The following TRPC4AP variants were observed in gnomAD, a reference collection of about 807,000 sequenced individuals.
TRPC4AP encodes transient receptor potential cation channel subfamily C member 4 associated protein.
In TRPC4AP, 45 loss-of-function variants were observed where a neutral mutation model predicts 99.0. The observed-to-expected ratio is 0.45, with a 90% CI of 0.36 to 0.58. The LOEUF is 0.58. Ranked by LOEUF, TRPC4AP falls within the 20% of genes least tolerant of loss-of-function variation. The pLI is 0.00. For synonymous variants in TRPC4AP, 408 were observed against 385.8 expected, an observed-to-expected ratio of 1.06 and a Z score of -0.67; for missense variants, 879 against 985.3, an observed-to-expected ratio of 0.89 and a Z score of 1.44.
intron 10 of TRPC4AP, among the ~76,000 whole-genome samples, chr20:35,014,161 A>G (rs1353710101): frequency 2.0e-5 from 3 of 152,112 alleles, no homozygotes; most frequent in East Asian, 1.9e-4. Flanking sequence ...GCACGTTTCT[A>G]TAGGTGGATG....
At position 35,092,777 on chromosome 20, in the gene TRPC4AP, G is replaced by A. The variant is rs768961746; in HGVS notation, c.5C>T (p.Ala2Val). The A allele has an allele frequency of 9.8e-6, 15 of 1,535,918 alleles. No homozygotes were observed. The highest frequency in any genetic ancestry group is 2.6e-5 in the East Asian group (1 of 38,500). MAAAPVAAGSGA... is the reference protein window; with the variant it reads MVAAPVAAGSGA... The stretch of plus-strand genomic sequence containing the variant: ...AGACCCAGCCGCTACCGGCGCCGCC[G>A]CCATGTCTCCTCGTCGGACAAACAG... The change falls in exon 1 of 19, where the codon GCG (alanine) becomes GTG (valine). Residue 2 changes from alanine to valine, a missense_variant. Coordinates refer to ENST00000252015, the MANE Select transcript of TRPC4AP (RefSeq NM_015638.3).
At chr20:35,050,652 G>A (rs1169381463) in intron 5 of TRPC4AP, among the ~76,000 whole-genome samples, 1 of 151,638 alleles carries the variant, frequency 6.6e-6, no homozygotes, top group East Asian at 1.9e-4. Flanking sequence ...GGTGGAGGCT[G>A]CAGTGAGCCT....
At position 35,040,610 on chromosome 20, in the gene TRPC4AP, T is replaced by G. The variant is rs573795789; in HGVS notation, c.865+3895A>C. The stretch of plus-strand genomic sequence containing the variant: ...GCAGACGGCTTATCTTTTATTTTAT[T>G]TATTTATTTTTGGAGACGGAGTTTC... On this transcript the variant is annotated intron_variant, in intron 7 of 18. Transcript: ENST00000252015. Among the ~76,000 whole-genome samples, 11 of 152,282 alleles carry G rather than the reference T, an allele frequency of 7.2e-5. No homozygotes were observed. The South Asian group carries it at 1.9e-3, about 26-fold the overall frequency.
chr20:35,047,949 C>CA (rs1048228744), intron 6 of TRPC4AP, among the ~76,000 whole-genome samples: 6 of 149,634 alleles, frequency 4.0e-5, no homozygotes, highest in African/African-American at 7.3e-5. Context: ...AACTACAAAA[C>CA]AAAAAAAAAG....
chr20:35,070,103 G>A (rs1402575401), intron 2 of TRPC4AP, among the ~76,000 whole-genome samples: 2 of 152,132 alleles, frequency 1.3e-5, no homozygotes, highest in Non-Finnish European at 2.9e-5. Context: ...CAACCTGCCA[G>A]GGATGTGAGA....
intron 16 of TRPC4AP, among the ~76,000 whole-genome samples, chr20:35,004,961 G>GC (rs962267746): frequency 1.3e-5 from 2 of 152,198 alleles, no homozygotes; most frequent in African/African-American, 4.8e-5. Flanking sequence ...AGGTCCTAGC[G>GC]CAACTGGTTT....
intron 7 of TRPC4AP, 130 bp from the exon 8 acceptor site, chr20:35,035,438 A>C (rs765482804): frequency 4.0e-6 from 4 of 1,009,874 alleles, no homozygotes; most frequent in Non-Finnish European, 5.6e-6. Flanking sequence ...TACTCTTTTA[A>C]AATGAATGTC....
intron 2 of TRPC4AP, among the ~76,000 whole-genome samples, chr20:35,076,389 G>C (rs1020447906): frequency 7.9e-5 from 12 of 152,184 alleles, no homozygotes; most frequent in Non-Finnish European, 1.8e-4. Context: ...CCCTATCTTT[G>C]TGGTTTTATC....
intron 7 of TRPC4AP, among the ~76,000 whole-genome samples, chr20:35,044,076 C>G (rs1180564992): frequency 3.3e-5 from 5 of 152,096 alleles, no homozygotes; most frequent in African/African-American, 9.7e-5. Flanking sequence ...GGAGCCTTCA[C>G]ATGGATCCAT....
intron 1 of TRPC4AP, among the ~76,000 whole-genome samples, chr20:35,081,878 G>A (rs1338259562): frequency 6.6e-6 from 1 of 152,022 alleles, no homozygotes; most frequent in African/African-American, 2.4e-5. Context: ...CCAGTTACTC[G>A]AGAGGCTGAG....
At chr20:35,045,923 C>A (rs1207810403) in intron 6 of TRPC4AP, among the ~76,000 whole-genome samples, 2 of 152,188 alleles carry the variant, frequency 1.3e-5, no homozygotes, top group African/African-American at 2.4e-5. Flanking sequence ...CCCACCTTGG[C>A]CTCCTAAACT....
At position 35,034,708 on chromosome 20, in the gene TRPC4AP, T is replaced by C. The variant is rs569022547; in HGVS notation, c.1051+415A>G. 2.6e-5 allele frequency among the ~76,000 whole-genome samples: 4 copies of C among 151,886 alleles called. No homozygotes were observed. In the South Asian group the frequency reaches 8.4e-4, roughly 32 times the overall value. On this transcript the variant is annotated intron_variant, in intron 8 of 18. Coordinates refer to ENST00000252015, the MANE Select transcript of TRPC4AP (RefSeq NM_015638.3). ...AGGAAGCTGGAGCTGAGACTGGGAGTCTTCTTATTTAATAGGCAGTCTTCT... is the reference window on the plus strand; with the variant it reads ...AGGAAGCTGGAGCTGAGACTGGGAGCCTTCTTATTTAATAGGCAGTCTTCT...
chr20:35,061,360 T>A (rs1042737419), intron 3 of TRPC4AP, among the ~76,000 whole-genome samples: 1 of 152,230 alleles, frequency 6.6e-6, no homozygotes, highest in African/African-American at 2.4e-5. Flanking sequence ...AGCTATCTTG[T>A]AGTTCATGGA....
chr20:35,070,331 G>C (rs1158622355), intron 2 of TRPC4AP, among the ~76,000 whole-genome samples: 1 of 151,992 alleles, frequency 6.6e-6, no homozygotes, highest in East Asian at 1.9e-4. Flanking sequence ...CCAACCAGAA[G>C]CATGCTCTTC....
intron 5 of TRPC4AP, 139 bp downstream of exon 5, chr20:35,054,837 G>A: frequency 2.8e-6 from 2 of 702,764 alleles, no homozygotes; most frequent in East Asian, 5.9e-5. Flanking sequence ...CTGATTTTCA[G>A]GCACACATAA....
chr20:35,080,013 TAAAAAAAAAA>T (rs71196785), intron 1 of TRPC4AP, among the ~76,000 whole-genome samples: 1 of 93,870 alleles, frequency 1.1e-5, no homozygotes, highest in African/African-American at 4.3e-5. Flanking sequence ...CAGAGCAAGA[TAAAAAAAAAA>T]AAAAAAAAAG....
chr20:35,002,446 G>GTTTA lies in TRPC4AP; in HGVS notation c.*696_*699dup, dbSNP rs1025560697. The GTTTA allele has an allele frequency of 9.0e-5, 35 of 390,144 alleles. No individual in the cohort carries two copies. Among genetic ancestry groups the GTTTA allele is most frequent in the Non-Finnish European group, 1.4e-4 (30 of 221,916 alleles). The allele number at this position is 390,144 out of a possible 1,614,324, so 24.2% of individuals were successfully genotyped here. ...TTATTTAATAGTCTCCATTTAATTG[G>GTTTA]TTTATTTGCTGTTAATAAATTGGCA... On this transcript the variant is annotated 3_prime_UTR_variant, in exon 19 of 19. Coordinates refer to ENST00000252015, the MANE Select transcript of TRPC4AP (RefSeq NM_015638.3).
chr20:35,002,901 G>A lies in TRPC4AP; in HGVS notation c.*245C>T, dbSNP rs1055910924. ...ACCTCTGGGTGGCCCTGGGCCCCAG[G>A]GTTCTGAAGGAAAGGTGGGCATGGT... On this transcript the variant is annotated 3_prime_UTR_variant, in exon 19 of 19. Coordinates refer to ENST00000252015, the MANE Select transcript of TRPC4AP (RefSeq NM_015638.3). The A allele has an allele frequency of 2.9e-5, 14 of 477,224 alleles. No homozygotes were observed. Among genetic ancestry groups the A allele is most frequent in the Non-Finnish European group, 2.6e-5 (7 of 268,208 alleles). 29.6% of individuals were successfully genotyped at this position (477,224 alleles called of 1,614,324 possible). A position where few individuals can be genotyped will look rare whatever the true frequency, so the allele number is the denominator to read the frequency against.
intron 11 of TRPC4AP, among the ~76,000 whole-genome samples, chr20:35,011,612 C>T (rs1161333217): frequency 6.6e-6 from 1 of 151,484 alleles, no homozygotes; most frequent in African/African-American, 2.4e-5. Context: ...ATATAAAATC[C>T]AGGCCTGTGA....
Sources: gnomAD v4.1 joint callset for allele counts (sites outside exome capture counted in the v4.1 genomes callset) on GRCh38, gnomAD v4.1.1 for gene constraint, MANE v1.5 for transcripts, NCBI Gene and HGNC (gene_info 2026-07-23, HGNC 2026-07-21) for gene names.